The following PHIP variants were observed in gnomAD, a reference collection of about 807,000 sequenced individuals.
PHIP encodes the protein PHIP subunit of CUL4-Ring ligase complex.
A neutral mutation model predicts 236.8 loss-of-function variants in PHIP; 54 were observed. That is an observed-to-expected ratio of 0.23 (90% CI 0.18 to 0.29). The LOEUF (loss-of-function observed/expected upper bound fraction) is 0.29, where lower values mean the gene tolerates loss of function less well. Among genes scored for constraint, PHIP ranks in the 10% least tolerant of loss-of-function variants. The pLI, the probability that PHIP is intolerant of heterozygous loss-of-function variation, is 1.00. For synonymous variants in PHIP, 756 were observed against 718.9 expected, an observed-to-expected ratio of 1.05 and a Z score of -0.83; for missense variants, 1,370 against 2,190.8, an observed-to-expected ratio of 0.63 and a Z score of 7.48.
chr6:78,972,449 G>C lies in PHIP; in HGVS notation c.2890-1561C>G, dbSNP rs562602299. On this transcript the variant is annotated intron_variant, in intron 24 of 39. Coordinates refer to ENST00000275034, the MANE Select transcript of PHIP (RefSeq NM_017934.7). Reference sequence around the variant, plus strand: ...GGGAAAAAACAGAACAGAAAAACTGGAAACTCTAAAAATCAGAGCACCTCT... The same window carrying C: ...GGGAAAAAACAGAACAGAAAAACTGCAAACTCTAAAAATCAGAGCACCTCT... Among the ~76,000 whole-genome samples, 5 of 152,254 alleles carry C rather than the reference G, an allele frequency of 3.3e-5. No homozygotes were observed. The South Asian group carries it at 1.0e-3, about 32-fold the overall frequency.
intron 17 of PHIP, 60 bp downstream of exon 17, chr6:79,001,839 C>T (rs988614491): frequency 6.5e-6 from 7 of 1,072,824 alleles, no homozygotes; most frequent in Non-Finnish European, 8.6e-6. Flanking sequence ...ACTCAATTAG[C>T]AATTTTAACA....
chr6:79,025,622 GAA>G lies in PHIP; in HGVS notation c.823-5_823-4del, dbSNP rs1771357913. 1 of 1,561,092 alleles carries G rather than the reference GAA, an allele frequency of 6.4e-7. No homozygotes were observed. Among genetic ancestry groups the G allele is most frequent in the African/African-American group, 1.4e-5 (1 of 73,348 alleles). ...GAGCCACTGCACAATGGTGAGAACTGAAAAGACAATCACAGAAAAAAAATCTT... is the reference window on the plus strand; with the variant it reads ...GAGCCACTGCACAATGGTGAGAACTGAAGACAATCACAGAAAAAAAATCTT... On this transcript the variant is annotated splice_polypyrimidine_tract_variant and splice_region_variant and intron_variant, in intron 8 of 39. Coordinates refer to ENST00000275034, the MANE Select transcript of PHIP (RefSeq NM_017934.7).
intron 19 of PHIP, among the ~76,000 whole-genome samples, chr6:78,991,289 C>G (rs913685029): frequency 3.3e-5 from 5 of 151,386 alleles, no homozygotes; most frequent in Admixed American, 2.6e-4. Flanking sequence ...GTAATTTTTC[C>G]AAGAGTGAGA....
intron 21 of PHIP, among the ~76,000 whole-genome samples, chr6:78,986,712 T>C (rs569136365): frequency 6.6e-6 from 1 of 152,150 alleles, no homozygotes; most frequent in African/African-American, 2.4e-5. Flanking sequence ...TAAAATAATA[T>C]ACTTGGGACA....
At chr6:79,037,826 G>A (rs1299767001) in intron 7 of PHIP, among the ~76,000 whole-genome samples, 1 of 152,076 alleles carries the variant, frequency 6.6e-6, no homozygotes, top group East Asian at 1.9e-4. Context: ...CATCATTTGT[G>A]GTATGCCTCC....
intron 6 of PHIP, among the ~76,000 whole-genome samples, chr6:79,055,154 A>C (rs975376136): frequency 2.0e-5 from 3 of 152,124 alleles, no homozygotes; most frequent in Non-Finnish European, 4.4e-5. Flanking sequence ...TAGGCAAAAC[A>C]CCAAAAACGA....
chr6:79,008,371 T>A (rs566500370), intron 15 of PHIP, among the ~76,000 whole-genome samples: 19 of 151,800 alleles, frequency 1.3e-4, no homozygotes, highest in African/African-American at 4.1e-4. Flanking sequence ...GAAAAAAAAA[T>A]TATTATATAA....
Position 79,007,405 on chromosome 6 carries a change from C to G in PHIP, c.1525-3547G>C, listed in dbSNP as rs375706050. Among the ~76,000 whole-genome samples, 8 of 151,976 alleles carry G rather than the reference C, an allele frequency of 5.3e-5. No homozygotes were observed. The East Asian group carries it at 1.4e-3, about 26-fold the overall frequency. ...TTCTAAAATCCTACCATCTGAGGTT[C>G]TGAAAGGTATGTTGAAAAAAACTGG... On this transcript the variant is annotated intron_variant, in intron 15 of 39. Coordinates refer to ENST00000275034, the MANE Select transcript of PHIP (RefSeq NM_017934.7).
chr6:78,996,694 T>G (rs535321471), intron 19 of PHIP, among the ~76,000 whole-genome samples: 32 of 152,268 alleles, frequency 2.1e-4, no homozygotes, highest in African/African-American at 7.2e-4. Flanking sequence ...ATAATCTATA[T>G]GAACATTAAG....
intron 38 of PHIP, 50 bp from the exon 39 acceptor site, chr6:78,945,547 A>C (rs369188165): frequency 2.6e-6 from 3 of 1,155,858 alleles, no homozygotes; most frequent in Non-Finnish European, 3.8e-6. Context: ...GAACCTAAAG[A>C]TAAGAAAAAA....
At chr6:79,031,961 C>T (rs755933967) in intron 7 of PHIP, among the ~76,000 whole-genome samples, 12 of 152,060 alleles carry the variant, frequency 7.9e-5, no homozygotes, top group Non-Finnish European at 1.2e-4. Flanking sequence ...TCCTAGATAC[C>T]GCAGGCTCAG....
intron 29 of PHIP, 115 bp from the exon 30 acceptor site, chr6:78,963,367 A>G (rs1269303927): frequency 1.4e-6 from 1 of 710,314 alleles, no homozygotes; most frequent in Non-Finnish European, 2.2e-6. Context: ...ATAGATTTGT[A>G]AATATACTCT....
intron 6 of PHIP, among the ~76,000 whole-genome samples, chr6:79,054,571 GA>G (rs939335079): frequency 5.3e-5 from 8 of 150,716 alleles, no homozygotes; most frequent in Non-Finnish European, 8.9e-5. Context: ...AAGTGAACAG[GA>G]AAAAAACCCC....
At chr6:79,069,403 GAA>G (rs1211440001) in intron 4 of PHIP, among the ~76,000 whole-genome samples, 1 of 151,852 alleles carries the variant, frequency 6.6e-6, no homozygotes, top group Non-Finnish European at 1.5e-5. Flanking sequence ...CTTCTCCACA[GAA>G]AAACAGAGTA....
intron 3 of PHIP, 55 bp from the exon 4 acceptor site, chr6:79,077,562 C>T: frequency 9.4e-7 from 1 of 1,064,884 alleles, no homozygotes; most frequent in East Asian, 4.4e-5. Context: ...CCGCCCGCTC[C>T]CCTCCCCCGC....
chr6:78,981,895 GACA>G (rs1466877399), intron 23 of PHIP, among the ~76,000 whole-genome samples: 2 of 151,874 alleles, frequency 1.3e-5, no homozygotes, highest in African/African-American at 4.8e-5. Flanking sequence ...AAGCAAAGGA[GACA>G]ACAAGAAAAA....
intron 12 of PHIP, among the ~76,000 whole-genome samples, chr6:79,017,129 C>T (rs1257765624): frequency 2.0e-5 from 3 of 151,820 alleles, no homozygotes; most frequent in African/African-American, 7.3e-5. Flanking sequence ...ATTTAAAAAG[C>T]AGTAATTACT....
At position 78,983,053 on chromosome 6, in the gene PHIP, T is replaced by C; in HGVS notation, c.2602A>G (p.Lys868Glu). The change falls in exon 23 of 40, where the codon AAA (lysine) becomes GAA (glutamate). Residue 868 changes from lysine to glutamate, a missense_variant. Transcript: ENST00000275034. ...TTCTTGGTTTTATTCTTAGGAACTT[T>C]CTTTGGTGGCTGCAGATTAATTCCT... The part of the protein sequence containing the change: ...DAGINLQPPK[K>E]VPKNKTKKAE... 6.2e-7 allele frequency: 1 copy of C among 1,612,630 alleles called. No homozygotes were observed. The highest frequency in any genetic ancestry group is 8.5e-7 in the Non-Finnish European group (1 of 1,179,438).
chr6:78,977,616 A>C (rs897350889), intron 24 of PHIP, among the ~76,000 whole-genome samples: 2 of 145,026 alleles, frequency 1.4e-5, no homozygotes, highest in African/African-American at 5.0e-5. Flanking sequence ...CTAAAAAGAC[A>C]ACCTAACCAT....
Sources: gnomAD v4.1 joint callset for allele counts (sites outside exome capture counted in the v4.1 genomes callset) on GRCh38, gnomAD v4.1.1 for gene constraint, MANE v1.5 for transcripts, NCBI Gene and HGNC (gene_info 2026-07-23, HGNC 2026-07-21) for gene names.